Variants in L3MBTL4 observed in about 807,000 individuals in gnomAD.
The protein encoded by L3MBTL4 is L3MBTL histone methyl-lysine binding protein 4.
L3MBTL4 carries 70 observed loss-of-function variants against 84.5 expected under a neutral mutation model. The observed-to-expected ratio is 0.83, with a 90% CI of 0.68 to 1.01. L3MBTL4 has a LOEUF of 1.01. Ranked by LOEUF, L3MBTL4 falls within the 50% of genes least tolerant of loss-of-function variation. L3MBTL4 has a pLI of 0.00. For synonymous variants in L3MBTL4, 274 were observed against 259.8 expected, an observed-to-expected ratio of 1.05 and a Z score of -0.52; for missense variants, 715 against 754.8, an observed-to-expected ratio of 0.95 and a Z score of 0.62.
At chr18:6,373,142 T>C (rs138804892) in intron 1 of L3MBTL4, among the ~76,000 whole-genome samples, 1 of 152,290 alleles carries the variant, frequency 6.6e-6, no homozygotes, top group African/African-American at 2.4e-5. Context: ...CTAAGAAATA[T>C]AATGAGGCCG....
chr18:6,015,367 G>A (rs12970347), intron 16 of L3MBTL4, among the ~76,000 whole-genome samples: 73,009 of 151,770 alleles, frequency 0.48, 19,993 homozygotes, highest in Non-Finnish European at 0.65. Context: ...AGAAGGTGGG[G>A]GTGGATGGCA....
rs565918049 is a variant in L3MBTL4, at chr18:6,120,638, C to T, written c.1199+17556G>A. On this transcript the variant is annotated intron_variant, in intron 14 of 18. Transcript: ENST00000317931. ...CTCCATTCCTCCTCTTCCAGTCACT[C>T]CCTGTAGGGGTAATTACCAGGCTGA... 3.3e-5 allele frequency among the ~76,000 whole-genome samples: 5 copies of T among 152,286 alleles called. No homozygotes were observed. The East Asian group carries it at 7.7e-4, about 24-fold the overall frequency.
Position 6,185,960 on chromosome 18 carries a change from C to CTTTATTTTAT in L3MBTL4, c.982-14028_982-14019dup, listed in dbSNP as rs771825177. 6.3e-3 allele frequency among the ~76,000 whole-genome samples: 926 copies of CTTTATTTTAT among 145,866 alleles called. 10 individuals are homozygous for CTTTATTTTAT. The highest frequency in any genetic ancestry group is 0.011 in the African/African-American group (395 of 37,110). ...AAGTGAAAACCAAAAAGGGCACTTT[C>CTTTATTTTAT]TTTATTTTATTTTATTTTATTTTAT... On this transcript the variant is annotated intron_variant, in intron 12 of 18. Transcript: ENST00000317931.
intron 14 of L3MBTL4, among the ~76,000 whole-genome samples, chr18:6,128,252 A>C (rs2059767252): frequency 6.6e-6 from 1 of 152,198 alleles, no homozygotes; most frequent in South Asian, 2.1e-4. Flanking sequence ...TATTTCATAA[A>C]AGAGAATAAA....
intron 16 of L3MBTL4, among the ~76,000 whole-genome samples, chr18:6,074,764 T>G (rs1035601339): frequency 6.6e-6 from 1 of 152,164 alleles, no homozygotes; most frequent in Non-Finnish European, 1.5e-5. Flanking sequence ...GGTACATAGA[T>G]GTTTGTTTTG....
intron 13 of L3MBTL4, among the ~76,000 whole-genome samples, chr18:6,149,570 G>A (rs537853187): frequency 6.6e-6 from 1 of 151,966 alleles, no homozygotes; most frequent in Non-Finnish European, 1.5e-5. Context: ...ACCCAGTAAT[G>A]GGATGACTGG....
intron 16 of L3MBTL4, among the ~76,000 whole-genome samples, chr18:6,037,179 T>G (rs572531912): frequency 2.6e-4 from 39 of 152,300 alleles, no homozygotes; most frequent in African/African-American, 9.1e-4. Flanking sequence ...TGCCCACCCT[T>G]GCTCCCACGA....
intron 16 of L3MBTL4, among the ~76,000 whole-genome samples, chr18:5,980,881 G>C (rs1326223375): frequency 6.6e-6 from 1 of 152,176 alleles, no homozygotes; most frequent in Non-Finnish European, 1.5e-5. Context: ...AGGATGAGTT[G>C]CTCCTCAAGC....
At chr18:6,007,138 C>CA (rs1036325663) in intron 16 of L3MBTL4, among the ~76,000 whole-genome samples, 2 of 151,778 alleles carry the variant, frequency 1.3e-5, no homozygotes, top group South Asian at 2.1e-4. Flanking sequence ...ATAACGCTCA[C>CA]AAAAAAGTAA....
At chr18:6,297,526 C>G (rs994033586) in intron 4 of L3MBTL4, among the ~76,000 whole-genome samples, 1 of 152,036 alleles carries the variant, frequency 6.6e-6, no homozygotes, top group Non-Finnish European at 1.5e-5. Context: ...TTTCTGTAAT[C>G]CTAAAATTTT....
At chr18:6,078,424 C>A (rs1298264079) in intron 16 of L3MBTL4, among the ~76,000 whole-genome samples, 1 of 67,396 alleles carries the variant, frequency 1.5e-5, no homozygotes, top group African/African-American at 8.6e-5. Flanking sequence ...GAGAGTCCAC[C>A]TCAAAAAAAA....
At chr18:6,373,200 C>A (rs186746904) in intron 1 of L3MBTL4, among the ~76,000 whole-genome samples, 67 of 152,252 alleles carry the variant, frequency 4.4e-4, no homozygotes, top group Non-Finnish European at 7.8e-4. Flanking sequence ...ATCCAGTTTG[C>A]GCATCCTTGT....
chr18:6,394,077 A>C (rs1250296551), intron 1 of L3MBTL4, among the ~76,000 whole-genome samples: 6 of 151,974 alleles, frequency 3.9e-5, no homozygotes, highest in Middle Eastern at 3.4e-3. Context: ...TCTCCTTCTC[A>C]CTACCCTTTC....
intron 4 of L3MBTL4, among the ~76,000 whole-genome samples, chr18:6,300,778 G>A (rs1333888073): frequency 6.6e-6 from 1 of 152,056 alleles, no homozygotes; most frequent in Non-Finnish European, 1.5e-5. Flanking sequence ...ACCTCTCTCT[G>A]AGAAGAAAAA....
chr18:6,118,620 T>G (rs1351280725), intron 14 of L3MBTL4, among the ~76,000 whole-genome samples: 1 of 152,234 alleles, frequency 6.6e-6, no homozygotes, highest in Non-Finnish European at 1.5e-5. Context: ...TGTTGAAGAC[T>G]TAAGTAATTA....
chr18:6,252,931 C>T (rs113576267), intron 5 of L3MBTL4, among the ~76,000 whole-genome samples: 11,116 of 152,236 alleles, frequency 0.073, 590 homozygotes, highest in Non-Finnish European at 0.11. Context: ...GGGCCGGGTG[C>T]GGTGGCTCAC....
chr18:6,284,568 G>C (rs1481818824), intron 4 of L3MBTL4, among the ~76,000 whole-genome samples: 1 of 152,214 alleles, frequency 6.6e-6, no homozygotes, highest in Non-Finnish European at 1.5e-5. Flanking sequence ...ACCTTGGAGG[G>C]GACGCACTGG....
chr18:6,356,748 T>C (rs968676218), intron 1 of L3MBTL4: 1 of 152,210 alleles, frequency 6.6e-6, no homozygotes, highest in African/African-American at 2.4e-5. Flanking sequence ...GGTGAGTGAA[T>C]GGGAAGGCTG....
intron 1 of L3MBTL4, among the ~76,000 whole-genome samples, chr18:6,409,148 A>T (rs1445148608): frequency 2.0e-5 from 3 of 152,314 alleles, no homozygotes; most frequent in Admixed American, 2.0e-4. Flanking sequence ...ACCAGGTGTA[A>T]CCAGATTAGA....
Sources: allele counts gnomAD v4.1 joint callset (sites outside exome capture counted in the v4.1 genomes callset), GRCh38; gene constraint gnomAD v4.1.1; transcripts MANE v1.5; gene names NCBI Gene and HGNC (gene_info 2026-07-23, HGNC 2026-07-21).